DOK6: variants seen among roughly 807,000 people sequenced by gnomAD.
DOK6 encodes docking protein 6.
A neutral mutation model predicts 44.0 loss-of-function variants in DOK6; 22 were observed. The observed-to-expected ratio is 0.50, with a 90% CI of 0.36 to 0.71. DOK6 has a LOEUF of 0.71. DOK6 is among the 30% of genes least tolerant of loss of function. DOK6 has a pLI of 0.00. For missense variants in DOK6, 340 were observed against 416.4 expected (o/e 0.82, Z 1.60); for synonymous variants, 166 against 145.5 (o/e 1.14, Z -1.01).
chr18:69,796,870 G>A (rs985415500), intron 7 of DOK6, among the ~76,000 whole-genome samples: 2 of 152,126 alleles, frequency 1.3e-5, no homozygotes, highest in Non-Finnish European at 2.9e-5. Context: ...TCCTCCTAAG[G>A]CTGATGTCTT....
At chr18:69,475,099 G>A (rs924503750) in intron 1 of DOK6, among the ~76,000 whole-genome samples, 3 of 152,090 alleles carry the variant, frequency 2.0e-5, no homozygotes, top group African/African-American at 7.2e-5. Context: ...CACTCCTGAA[G>A]GGATGATGTA....
intron 2 of DOK6, among the ~76,000 whole-genome samples, chr18:69,592,925 C>T (rs1983655041): frequency 6.6e-6 from 1 of 151,958 alleles, no homozygotes; most frequent in Non-Finnish European, 1.5e-5. Flanking sequence ...ATTTTAAAAG[C>T]TTTCTTTATG....
intron 1 of DOK6, chr18:69,483,823 A>C (rs1020933755): frequency 1.3e-5 from 2 of 152,092 alleles, no homozygotes; most frequent in African/African-American, 2.4e-5. Flanking sequence ...TTAGAGATGC[A>C]TTAGTCTTTG....
chr18:69,490,585 A>G (rs1980708058), intron 1 of DOK6, among the ~76,000 whole-genome samples: 1 of 152,168 alleles, frequency 6.6e-6, no homozygotes, highest in Admixed American at 6.5e-5. Context: ...TACGTAATAC[A>G]AACTATTCAC....
chr18:69,803,731 C>T lies in DOK6; in HGVS notation c.857-37513C>T, dbSNP rs568781317. 6.6e-5 allele frequency among the ~76,000 whole-genome samples: 10 copies of T among 152,124 alleles called. No individual in the cohort carries two copies. In the East Asian group the frequency reaches 1.7e-3, roughly 27 times the overall value. On this transcript the variant is annotated intron_variant, in intron 7 of 7. Transcript: ENST00000382713. ...CAAAAAAGCCGAGTGTGGTGGTGGA[C>T]GCCTGTAGTCCCAGCTACTCGGGAG...
intron 7 of DOK6, among the ~76,000 whole-genome samples, chr18:69,779,478 A>C (rs1319792386): frequency 1.3e-5 from 2 of 151,110 alleles, no homozygotes; most frequent in Non-Finnish European, 3.0e-5. Context: ...ACACACACAC[A>C]AACAGTATGT....
At chr18:69,750,928 TA>T (rs34181291) in intron 6 of DOK6, among the ~76,000 whole-genome samples, 1 of 151,130 alleles carries the variant, frequency 6.6e-6, no homozygotes, top group Non-Finnish European at 1.5e-5. Context: ...AACATAGCCT[TA>T]AAAAAAAAGA....
intron 1 of DOK6, among the ~76,000 whole-genome samples, chr18:69,521,802 A>G (rs1359631348): frequency 2.6e-5 from 4 of 152,010 alleles, no homozygotes; most frequent in Admixed American, 6.6e-5. Context: ...GCTCACTACA[A>G]AGAAATGATA....
chr18:69,626,868 G>C (rs1984567894), intron 3 of DOK6, among the ~76,000 whole-genome samples: 1 of 152,204 alleles, frequency 6.6e-6, no homozygotes, highest in Non-Finnish European at 1.5e-5. Flanking sequence ...CAAAGAGGCA[G>C]TTATAGTTAC....
intron 6 of DOK6, among the ~76,000 whole-genome samples, chr18:69,744,235 G>A (rs186813829): frequency 1.8e-4 from 27 of 151,724 alleles, no homozygotes; most frequent in African/African-American, 5.6e-4. Context: ...GCTTGAACCC[G>A]GGAGGCGGAG....
chr18:69,795,313 A>G (rs1980712873), intron 7 of DOK6, among the ~76,000 whole-genome samples: 1 of 152,178 alleles, frequency 6.6e-6, no homozygotes, highest in African/African-American at 2.4e-5. Context: ...AAGGCTGTTT[A>G]AGCTTTAAAA....
At chr18:69,729,602 G>A (rs1978341064) in intron 5 of DOK6, among the ~76,000 whole-genome samples, 1 of 152,236 alleles carries the variant, frequency 6.6e-6, no homozygotes. Context: ...GCACCAGTAA[G>A]AAATGAGGAT....
chr18:69,617,289 C>T (rs1457202322), intron 3 of DOK6, among the ~76,000 whole-genome samples: 5 of 150,212 alleles, frequency 3.3e-5, no homozygotes, highest in African/African-American at 4.9e-5. Flanking sequence ...CACTGCACTC[C>T]AGCCTGACAG....
intron 2 of DOK6, among the ~76,000 whole-genome samples, chr18:69,572,029 A>G (rs914159412): frequency 1.3e-5 from 2 of 152,134 alleles, no homozygotes; most frequent in Admixed American, 1.3e-4. Context: ...TTCTTTGACC[A>G]TAGATGTTTT....
At chr18:69,588,507 A>T (rs1983555663) in intron 2 of DOK6, among the ~76,000 whole-genome samples, 1 of 152,138 alleles carries the variant, frequency 6.6e-6, no homozygotes, top group Non-Finnish European at 1.5e-5. Flanking sequence ...TGGTTTTATC[A>T]TGAAGCTACC....
At chr18:69,762,346 A>T (rs981773420) in intron 7 of DOK6, among the ~76,000 whole-genome samples, 7 of 152,312 alleles carry the variant, frequency 4.6e-5, no homozygotes, top group Admixed American at 2.6e-4. Context: ...GTCTTAAAAA[A>T]ATATTTTTTT....
chr18:69,510,692 T>C lies in DOK6; in HGVS notation c.67-53795T>C, dbSNP rs544813892. The stretch of plus-strand genomic sequence containing the variant: ...CTTTACTAAAATGTATAAAACATCT[T>C]ATGATTCTGAACTGCTGTGAAAAGG... On this transcript the variant is annotated intron_variant, in intron 1 of 7. Coordinates refer to ENST00000382713, the MANE Select transcript of DOK6 (RefSeq NM_152721.6). 2.0e-5 allele frequency among the ~76,000 whole-genome samples: 3 copies of C among 152,300 alleles called. No homozygotes were observed. In the South Asian group the frequency reaches 6.2e-4, roughly 32 times the overall value.
chr18:69,401,743 A>G (rs2122374766), intron 1 of DOK6, among the ~76,000 whole-genome samples: 1 of 152,212 alleles, frequency 6.6e-6, no homozygotes, highest in South Asian at 2.1e-4. Context: ...TCCGCTTCCC[A>G]AGCTCAATTC....
chr18:69,421,454 T>C (rs908956543), intron 1 of DOK6, among the ~76,000 whole-genome samples: 1 of 152,184 alleles, frequency 6.6e-6, no homozygotes, highest in African/African-American at 2.4e-5. Context: ...ATCTGTAAAA[T>C]GGGCATGAAG....
Sources: gnomAD v4.1 joint callset for allele counts (sites outside exome capture counted in the v4.1 genomes callset) on GRCh38, gnomAD v4.1.1 for gene constraint, MANE v1.5 for transcripts, NCBI Gene and HGNC (gene_info 2026-07-23, HGNC 2026-07-21) for gene names.